The following HTR4 variants were observed in gnomAD, a reference collection of about 807,000 sequenced individuals.
The protein encoded by HTR4 is 5-hydroxytryptamine (serotonin) receptor 4, G protein-coupled.
In HTR4, 16 loss-of-function variants were observed where a neutral mutation model predicts 36.8. That is an observed-to-expected ratio of 0.43 (90% CI 0.29 to 0.66). HTR4 has a LOEUF of 0.66. HTR4 is among the 30% of genes least tolerant of loss of function. The pLI is 0.13. For missense variants in HTR4, 438 were observed against 490.9 expected (o/e 0.89, Z 1.02); for synonymous variants, 189 against 185.1 (o/e 1.02, Z -0.17).
intron 2 of HTR4, among the ~76,000 whole-genome samples, chr5:148,582,968 T>A (rs1275043184): frequency 6.6e-6 from 1 of 151,926 alleles, no homozygotes. Context: ...CTTCCAACAC[T>A]ATGTTGAATA....
At chr5:148,594,605 C>T (rs1761699945) in intron 2 of HTR4, among the ~76,000 whole-genome samples, 1 of 152,064 alleles carries the variant, frequency 6.6e-6, no homozygotes, top group Non-Finnish European at 1.5e-5. Flanking sequence ...ATACTGCAGC[C>T]CTATGCACAA....
downstream of HTR4, among the ~76,000 whole-genome samples, chr5:148,477,323 T>G (rs1755732276): frequency 6.6e-6 from 1 of 152,224 alleles, no homozygotes; most frequent in South Asian, 2.1e-4. Context: ...TATTTGGAAC[T>G]AGCTAAATTG....
chr5:148,543,931 G>C (rs554745248), intron 4 of HTR4, among the ~76,000 whole-genome samples: 1 of 152,272 alleles, frequency 6.6e-6, no homozygotes, highest in Non-Finnish European at 1.5e-5. Context: ...TCCCTGGCTT[G>C]TTCTGACCTC....
intron 2 of HTR4, among the ~76,000 whole-genome samples, chr5:148,594,971 C>T (rs1000909843): frequency 6.6e-6 from 1 of 152,024 alleles, no homozygotes; most frequent in Admixed American, 6.6e-5. Flanking sequence ...AATAGTTGCT[C>T]ATTGCAGAAA....
intron 2 of HTR4, among the ~76,000 whole-genome samples, chr5:148,553,792 T>C (rs1032510818): frequency 1.3e-5 from 2 of 152,226 alleles, no homozygotes; most frequent in African/African-American, 4.8e-5. Context: ...TGTAAAATGC[T>C]ACAGCCACTG....
In HTR4 at chr5:148,463,230, T is replaced by C. The variant is rs1339012855; in HGVS notation, c.1077-11958A>G. Among the ~76,000 whole-genome samples the C allele has an allele frequency of 2.9e-5, 4 of 136,180 alleles. No homozygotes were observed. The East Asian group carries it at 9.8e-4, about 33-fold the overall frequency. 89.3% of individuals were successfully genotyped at this position (136,180 alleles called of 152,430 possible). On this transcript the variant is annotated intron_variant, in intron 5 of 5. Coordinates refer to the HTR4 transcript ENST00000521530. ...CTCTGTTGTCCAGGTTAGAGTGCAG[T>C]GGTACAATCTTGGCTCACTGCAACT...
intron 1 of HTR4, among the ~76,000 whole-genome samples, chr5:148,637,662 A>G (rs1753592687): frequency 6.6e-6 from 1 of 152,154 alleles, no homozygotes; most frequent in Non-Finnish European, 1.5e-5. Flanking sequence ...TTCCCAATCG[A>G]AGGAGAGTTA....
chr5:148,546,965 G>T (rs1016487128), intron 4 of HTR4, among the ~76,000 whole-genome samples: 1 of 152,148 alleles, frequency 6.6e-6, no homozygotes, highest in African/African-American at 2.4e-5. Flanking sequence ...CCATGGGTCT[G>T]GTTGCTTGCC....
intron 2 of HTR4, among the ~76,000 whole-genome samples, chr5:148,636,518 G>T (rs575791126): frequency 1.3e-5 from 2 of 152,124 alleles, no homozygotes; most frequent in South Asian, 4.1e-4. Flanking sequence ...AAATCAAAAC[G>T]AAACAAAAAC....
chr5:148,609,363 G>A (rs1337454712), intron 2 of HTR4, among the ~76,000 whole-genome samples: 1 of 152,118 alleles, frequency 6.6e-6, no homozygotes, highest in Non-Finnish European at 1.5e-5. Context: ...CTTCACTGGG[G>A]ACAAACTCTG....
At chr5:148,518,641 T>C (rs1287942317) in intron 5 of HTR4, among the ~76,000 whole-genome samples, 1 of 152,174 alleles carries the variant, frequency 6.6e-6, no homozygotes, top group Non-Finnish European at 1.5e-5. Flanking sequence ...CTTCTATCAC[T>C]CTGAGTAGCC....
Position 148,454,879 on chromosome 5 carries a change from C to T in HTR4, c.1077-3607G>A, listed in dbSNP as rs56699520. 3.8e-3 allele frequency among the ~76,000 whole-genome samples: 583 copies of T among 152,266 alleles called. 5 individuals carry two copies. The highest frequency in any genetic ancestry group is 0.013 in the African/African-American group (555 of 41,542). On this transcript the variant is annotated intron_variant, in intron 5 of 5. Transcript: ENST00000521530. ...CTTCCCCATTGCTCTTGCCCCTGAG[C>T]AGCATTGCTTAATGACTTATGTATG...
At chr5:148,647,638 C>G (rs892453944) in intron 1 of HTR4, among the ~76,000 whole-genome samples, 10 of 152,154 alleles carry the variant, frequency 6.6e-5, no homozygotes, top group East Asian at 3.9e-4. Context: ...CACCTGAGCT[C>G]GGGAGTTCGA....
At chr5:148,459,965 G>A (rs1755223822) in intron 5 of HTR4, among the ~76,000 whole-genome samples, 2 of 152,142 alleles carry the variant, frequency 1.3e-5, no homozygotes, top group African/African-American at 4.8e-5. Flanking sequence ...AAAGAACCAA[G>A]TAGAAATGTT....
intron 5 of HTR4, among the ~76,000 whole-genome samples, chr5:148,461,214 T>C (rs1021635771): frequency 2.6e-5 from 4 of 151,926 alleles, no homozygotes; most frequent in African/African-American, 9.6e-5. Flanking sequence ...AAGGCAAAAA[T>C]AAGAACAAAG....
chr5:148,607,279 G>C (rs746189455), intron 2 of HTR4, among the ~76,000 whole-genome samples: 5 of 152,088 alleles, frequency 3.3e-5, no homozygotes, highest in Non-Finnish European at 7.4e-5. Flanking sequence ...TACTGCTTAG[G>C]GGGGAAAAAT....
At chr5:148,540,763 C>G (rs1039557160) in intron 4 of HTR4, among the ~76,000 whole-genome samples, 11 of 151,820 alleles carry the variant, frequency 7.2e-5, no homozygotes, top group African/African-American at 2.4e-4. Flanking sequence ...GAGGGAGAGA[C>G]AAGAGCAGAG....
At position 148,576,123 on chromosome 5, in the gene HTR4, A is replaced by AAAAACAAAC. The variant is rs1554097008; in HGVS notation, c.27-25862_27-25861insGTTTGTTTT. Among the ~76,000 whole-genome samples the AAAAACAAAC allele has an allele frequency of 1.0e-3, 150 of 145,956 alleles. 3 individuals carry two copies. The highest frequency in any genetic ancestry group is 3.5e-3 in the Middle Eastern group (1 of 282). Reference sequence around the variant, plus strand: ...GAGACTCCGTCTCAAAAAAAAAAAAAAAAAAAAAAACAAAATCAATGTAAA... The same window carrying AAAAACAAAC: ...GAGACTCCGTCTCAAAAAAAAAAAAAAAAACAAACAAAAAAAAAACAAAATCAATGTAAA... On this transcript the variant is annotated intron_variant, in intron 2 of 6. Coordinates refer to ENST00000377888, the MANE Select transcript of HTR4 (RefSeq NM_000870.7).
chr5:148,482,702 C>T lies in HTR4; in HGVS notation c.*501G>A. 9.9e-7 allele frequency: 1 copy of T among 1,005,438 alleles called. No individual in the cohort carries two copies. Among genetic ancestry groups the T allele is most frequent in the Non-Finnish European group, 1.2e-6 (1 of 840,484 alleles). The allele number at this position is 1,005,438 out of a possible 1,614,324, so 62.3% of individuals were successfully genotyped here. On this transcript the variant is annotated 3_prime_UTR_variant, in exon 7 of 7. Transcript: ENST00000377888. ...AGGGCGAAGAAGAGGCAGGGGATAG[C>T]TTGAACATGGCTGTGACGGACGTGA...
Sources: allele counts gnomAD v4.1 joint callset (sites outside exome capture counted in the v4.1 genomes callset), GRCh38; gene constraint gnomAD v4.1.1; transcripts MANE v1.5; gene names NCBI Gene and HGNC (gene_info 2026-07-23, HGNC 2026-07-21).